Variants in KMT2E observed in about 807,000 individuals in gnomAD.
KMT2E encodes the protein histone reader KMT2E.
In KMT2E, 30 loss-of-function variants were observed where a neutral mutation model predicts 184.6. The observed-to-expected ratio is 0.16, with a 90% CI of 0.12 to 0.22. The LOEUF (loss-of-function observed/expected upper bound fraction) is 0.22, where lower values mean the gene tolerates loss of function less well. Among genes scored for constraint, KMT2E ranks in the 10% least tolerant of loss-of-function variants. The pLI, the probability that KMT2E is intolerant of heterozygous loss-of-function variation, is 1.00. For synonymous variants in KMT2E, 815 were observed against 776.5 expected (o/e 1.05, Z -0.82); for missense variants, 2,023 against 2,237.4 (o/e 0.90, Z 1.93).
At chr7:105,088,496 A>G (rs575706462) in intron 13 of KMT2E, among the ~76,000 whole-genome samples, 1 of 152,226 alleles carries the variant, frequency 6.6e-6, no homozygotes, top group Admixed American at 6.5e-5. Flanking sequence ...TAATAAGTAA[A>G]TTGTTCTTAT....
chr7:105,104,454 A>C (rs1185159065), intron 17 of KMT2E: 1 of 152,186 alleles, frequency 6.6e-6, no homozygotes, highest in African/African-American at 2.4e-5. Context: ...TGGGGAGGTT[A>C]AGGTGGGAGG....
At chr7:105,088,966 A>C (rs1179756575) in intron 13 of KMT2E, among the ~76,000 whole-genome samples, 1 of 152,240 alleles carries the variant, frequency 6.6e-6, no homozygotes, top group Non-Finnish European at 1.5e-5. Flanking sequence ...GTTGAGGTTC[A>C]GTATTTGTTA....
rs1307148545 is a variant in KMT2E at position 105,063,486 on chromosome 7, A to G, written c.322A>G (p.Thr108Ala). The part of the protein sequence containing the change: ...DETSSATTIS[T>A]SEDGSYGTDV... Reference sequence around the variant, plus strand: ...AACTTCCAGTGCTACTACAATCAGCACATCTGAGGATGGAAGTTATGGTAC... The same window carrying G: ...AACTTCCAGTGCTACTACAATCAGCGCATCTGAGGATGGAAGTTATGGTAC... The change falls in exon 5 of 27, where the codon ACA becomes GCA. Residue 108 changes from threonine to alanine, a missense_variant. Physicochemically the swap from Thr to Ala is moderately conservative, Grantham distance 58. This residue lies in a region of KMT2E where 48 missense variants were observed against 51.5 expected (regional missense o/e 0.93). Coordinates refer to ENST00000311117, the MANE Select transcript of KMT2E (RefSeq NM_182931.3). The G allele has an allele frequency of 6.2e-7, 1 of 1,613,882 alleles. No individual in the cohort carries two copies. Among genetic ancestry groups the G allele is most frequent in the Admixed American group, 1.7e-5 (1 of 59,978 alleles).
rs1033930896 is a variant in KMT2E, at chr7:105,115,010, C to A, written c.*1677C>A. 6.6e-6 allele frequency among the ~76,000 whole-genome samples: 1 copy of A among 152,166 alleles called. No homozygotes were observed. On this transcript the variant is annotated 3_prime_UTR_variant, in exon 27 of 27. Transcript: ENST00000311117. ...AACTAGCATGTGAAATAAAAATATT[C>A]TTCTTAAAAGGTTTGTCCTTCTAAG...
At position 105,109,131 on chromosome 7, in the gene KMT2E, C is replaced by A. The variant is rs138532517; in HGVS notation, c.3658C>A (p.Pro1220Thr). 34 of 1,614,042 alleles carry A rather than the reference C, an allele frequency of 2.1e-5. No homozygotes were observed. The highest frequency in any genetic ancestry group is 2.8e-5 in the Non-Finnish European group (33 of 1,180,012). ...CACTGCTAGCCTACCTTTACCAACA[C>A]CAGCTACAGTTTATAATGCCACTTC... The part of the protein sequence containing the change: ...DHTASLPLPT[P>T]ATVYNATSEE... The change falls in exon 23 of 27, where the codon CCA becomes ACA. Residue 1220 changes from proline to threonine, a missense_variant. Around this residue, in one of 8 missense-constraint regions of KMT2E, gnomAD observed 1,108 missense variants for 1,050.9 expected, o/e 1.05. Coordinates refer to ENST00000311117, the MANE Select transcript of KMT2E (RefSeq NM_182931.3).
chr7:105,081,423 TTTA>T (rs34070011), intron 12 of KMT2E, among the ~76,000 whole-genome samples: 315 of 147,794 alleles, frequency 2.1e-3, no homozygotes, highest in East Asian at 5.0e-3. Context: ...ATATAGTATT[TTTA>T]TTATTATTAT....
At chr7:105,067,682 A>G (rs1043111925) in intron 6 of KMT2E, among the ~76,000 whole-genome samples, 1 of 152,220 alleles carries the variant, frequency 6.6e-6, no homozygotes, top group Non-Finnish European at 1.5e-5. Context: ...AAAAATAATT[A>G]CAAACCGTCT....
chr7:105,112,789 C>CCG lies in KMT2E; in HGVS notation c.5034_5035insGC (p.Pro1679AlafsTer34), dbSNP rs1782688391. ...TCTCAAACTGCTGGACACCACTTAC[C>CCG]CCCACCCCCACCCCCTCCTGGTCCT... On this transcript the variant is annotated frameshift_variant, in exon 27 of 27. Transcript: ENST00000311117. LOFTEE classifies it high-confidence loss of function. The CCG allele has an allele frequency of 3.2e-6, 5 of 1,585,890 alleles. No individual in the cohort carries two copies. The highest frequency in any genetic ancestry group is 4.3e-6 in the Non-Finnish European group (5 of 1,164,114).
chr7:105,051,875 C>T (rs552994569), intron 3 of KMT2E, among the ~76,000 whole-genome samples: 22 of 152,280 alleles, frequency 1.4e-4, no homozygotes, highest in African/African-American at 4.3e-4. Flanking sequence ...AGGCATGAAC[C>T]GCCGCGCCTG....
intron 3 of KMT2E, among the ~76,000 whole-genome samples, chr7:105,044,925 C>T (rs1260262223): frequency 1.3e-5 from 2 of 152,172 alleles, no homozygotes; most frequent in Non-Finnish European, 2.9e-5. Flanking sequence ...CTTTACTTAC[C>T]AAGGCTTAGG....
intron 6 of KMT2E, among the ~76,000 whole-genome samples, chr7:105,071,678 C>T (rs1394897568): frequency 8.0e-6 from 1 of 124,740 alleles, no homozygotes. Context: ...AGGATGGTCT[C>T]AATCTCCTGA....
At chr7:105,098,058 G>GGAAT (rs1444688530) in intron 15 of KMT2E, among the ~76,000 whole-genome samples, 1 of 152,004 alleles carries the variant, frequency 6.6e-6, no homozygotes, top group Admixed American at 6.6e-5. Flanking sequence ...GTGTTATTTT[G>GGAAT]GAATGATTTT....
chr7:105,078,843 T>C lies in KMT2E; in HGVS notation c.1131-3T>C. 6.7e-7 allele frequency: 1 copy of C among 1,497,736 alleles called. No homozygotes were observed. The highest frequency in any genetic ancestry group is 1.7e-5 in the Admixed American group (1 of 59,660). The allele number at this position is 1,497,736 out of a possible 1,614,324, so 92.8% of individuals were successfully genotyped here. ...ATAGCTTATAATGTTTCTTTCTTTG[T>C]AGACCATACCCTTTTGTGTTATTCT... On this transcript the variant is annotated splice_region_variant and splice_polypyrimidine_tract_variant and intron_variant, in intron 11 of 26. Coordinates refer to ENST00000311117, the MANE Select transcript of KMT2E (RefSeq NM_182931.3).
chr7:105,019,014 CTGTT>C (rs1019929002), intron 1 of KMT2E, among the ~76,000 whole-genome samples: 22 of 151,044 alleles, frequency 1.5e-4, no homozygotes, highest in African/African-American at 4.2e-4. Flanking sequence ...ATAAAATACT[CTGTT>C]TAATAGCAAT....
In KMT2E at chr7:105,110,480, G is replaced by A. The variant is rs1325814921; in HGVS notation, c.3848G>A (p.Gly1283Glu). The change falls in exon 25 of 27, where the codon GGA becomes GAA. Residue 1283 changes from glycine (G) to glutamate (E), a missense_variant. Transcript: ENST00000311117. ...GTCTGCTCTGCTTCATCTCTAGGGGGAGAATCACCATGTGTCTCATGTTCA... is the reference window on the plus strand; with the variant it reads ...GTCTGCTCTGCTTCATCTCTAGGGGAAGAATCACCATGTGTCTCATGTTCA... ...SDHRKDKDSG[G>E]ESPCVSCSPS... The A allele has an allele frequency of 1.9e-6, 3 of 1,614,088 alleles. No individual in the cohort carries two copies. The highest frequency in any genetic ancestry group is 2.2e-5 in the South Asian group (2 of 91,074).
At chr7:105,098,018 GA>G (rs1382597931) in intron 15 of KMT2E, among the ~76,000 whole-genome samples, 1 of 152,174 alleles carries the variant, frequency 6.6e-6, no homozygotes, top group Non-Finnish European at 1.5e-5. Flanking sequence ...TCACATGATA[GA>G]GGAAATGGAG....
At chr7:105,069,317 C>T (rs140494526) in intron 6 of KMT2E, among the ~76,000 whole-genome samples, 4 of 152,296 alleles carry the variant, frequency 2.6e-5, no homozygotes, top group African/African-American at 9.6e-5. Flanking sequence ...ATGTTTATCT[C>T]CTTTTATTCT....
chr7:105,049,323 C>T (rs562461119), intron 3 of KMT2E, among the ~76,000 whole-genome samples: 4 of 151,988 alleles, frequency 2.6e-5, no homozygotes, highest in African/African-American at 7.2e-5. Context: ...TGCTTGTGCC[C>T]GTAGTCCCAG....
chr7:105,102,221 G>A, intron 17 of KMT2E, 27 bp downstream of exon 17: 3 of 1,537,120 alleles, frequency 2.0e-6, no homozygotes, highest in Admixed American at 2.4e-5. Flanking sequence ...TGTAAGAACT[G>A]TTTTTCTAAC....
Sources: gnomAD v4.1 joint callset for allele counts (sites outside exome capture counted in the v4.1 genomes callset) on GRCh38, gnomAD v4.1.1 for gene constraint, gnomAD v4.1.1 regional missense constraint, MANE v1.5 for transcripts, NCBI Gene and HGNC (gene_info 2026-07-23, HGNC 2026-07-21) for gene names.